LIMCH1: variants seen among roughly 807,000 people sequenced by gnomAD.
The protein encoded by LIMCH1 is LIM and calponin homology domains-containing protein 1.
LIMCH1 carries 113 observed loss-of-function variants against 176.5 expected under a neutral mutation model. That is an observed-to-expected ratio of 0.64 (90% CI 0.55 to 0.75). The LOEUF is 0.75. LIMCH1 is among the 30% of genes least tolerant of loss of function. The pLI is 0.00. For missense variants in LIMCH1, 1,674 were observed against 1,814.9 expected (o/e 0.92, Z 1.41); for synonymous variants, 619 against 645.9 (o/e 0.96, Z 0.63).
intron 2 of LIMCH1, among the ~76,000 whole-genome samples, chr4:41,510,100 T>A (rs1219630803): frequency 2.0e-5 from 3 of 152,220 alleles, no homozygotes; most frequent in Non-Finnish European, 4.4e-5. Flanking sequence ...GAAATGTGTT[T>A]GAAACTTATT....
chr4:41,526,863 T>G (rs933604005), intron 3 of LIMCH1, among the ~76,000 whole-genome samples: 50 of 152,258 alleles, frequency 3.3e-4, no homozygotes, highest in Admixed American at 4.6e-4. Context: ...TTTGTCTACT[T>G]GTCTGCATTT....
At chr4:41,369,606 C>A (rs2053635250) in intron 1 of LIMCH1, among the ~76,000 whole-genome samples, 1 of 152,170 alleles carries the variant, frequency 6.6e-6, no homozygotes, top group African/African-American at 2.4e-5. Context: ...TCCTTCCCTT[C>A]TTTGTACACA....
rs113160291 is a variant in LIMCH1 at position 41,567,929 on chromosome 4, C to T, written c.-241+29579C>T. 7.4e-4 allele frequency among the ~76,000 whole-genome samples: 113 copies of T among 152,216 alleles called. 1 individual carries two copies. The highest frequency in any genetic ancestry group is 2.6e-3 in the African/African-American group (107 of 41,542). On this transcript the variant is annotated intron_variant, in intron 1 of 31. Transcript: ENST00000503057. ...CAGCACTCTGGGATGCCAAGACAGG[C>T]GGACCACGAGGTCAGGAGTTCGAGA...
At chr4:41,360,495 G>C (rs901327159), upstream of LIMCH1, 1 of 160,028 alleles carries the variant, frequency 6.2e-6, no homozygotes, top group African/African-American at 2.4e-5. This position sits in a 1 kb window ranked among gnomAD's most constrained non-coding sequence, Gnocchi z 4.5. Flanking sequence ...GTGAACGGGA[G>C]GGAGACACGC....
chr4:41,615,984 G>A (rs2152807364), intron 5 of LIMCH1, among the ~76,000 whole-genome samples: 1 of 152,284 alleles, frequency 6.6e-6, no homozygotes, highest in Admixed American at 6.5e-5. Context: ...CAACCAATCT[G>A]TCTTGCTAGA....
At chr4:41,692,063 CCTT>C (rs1423475183) in intron 30 of LIMCH1, among the ~76,000 whole-genome samples, 7 of 152,282 alleles carry the variant, frequency 4.6e-5, no homozygotes. Context: ...GAACCAGTGT[CCTT>C]CTCTGTAAAA....
intron 1 of LIMCH1, among the ~76,000 whole-genome samples, chr4:41,391,184 T>G (rs2057192654): frequency 1.3e-5 from 2 of 152,274 alleles, no homozygotes; most frequent in Non-Finnish European, 2.9e-5. Context: ...ACTCACTAGC[T>G]GACCTGTCCT....
intron 1 of LIMCH1, among the ~76,000 whole-genome samples, chr4:41,390,947 C>A (rs2057162464): frequency 6.6e-6 from 1 of 152,178 alleles, no homozygotes; most frequent in Non-Finnish European, 1.5e-5. Context: ...TTATTCTGGG[C>A]AGCCACGTGC....
At chr4:41,445,106 A>G (rs771110472) in intron 1 of LIMCH1, among the ~76,000 whole-genome samples, 1 of 151,568 alleles carries the variant, frequency 6.6e-6, no homozygotes. Context: ...CCCAGGTTCA[A>G]GCAATTCTCC....
At chr4:41,413,218 GTTT>G (rs59105322) in intron 1 of LIMCH1, among the ~76,000 whole-genome samples, 4 of 139,854 alleles carry the variant, frequency 2.9e-5, no homozygotes, top group Non-Finnish European at 4.6e-5. Flanking sequence ...GACATAATAA[GTTT>G]TTTTTTTTTT....
At chr4:41,407,477 G>A (rs902676095) in intron 1 of LIMCH1, among the ~76,000 whole-genome samples, 8 of 152,072 alleles carry the variant, frequency 5.3e-5, no homozygotes, top group African/African-American at 1.4e-4. Flanking sequence ...TGATCCTCCC[G>A]CCTTGGCCTC....
chr4:41,371,704 C>G (rs1034640426), intron 1 of LIMCH1, among the ~76,000 whole-genome samples: 1 of 152,192 alleles, frequency 6.6e-6, no homozygotes, highest in Non-Finnish European at 1.5e-5. Flanking sequence ...CATGTTAAGA[C>G]TGGCAGGCCT....
intron 23 of LIMCH1, among the ~76,000 whole-genome samples, chr4:41,678,520 C>G (rs1712962008): frequency 6.6e-6 from 1 of 152,190 alleles, no homozygotes; most frequent in African/African-American, 2.4e-5. Flanking sequence ...AAATGGTGAA[C>G]AGCCAAGAGT....
At chr4:41,661,224 G>A (rs1024831518) in intron 18 of LIMCH1, among the ~76,000 whole-genome samples, 196 bp from the exon 19 acceptor site, 1 of 152,136 alleles carries the variant, frequency 6.6e-6, no homozygotes. Context: ...ATGGTGAACC[G>A]CATGGGTGTC....
chr4:41,581,967 C>T (rs2085564527), intron 1 of LIMCH1, among the ~76,000 whole-genome samples: 1 of 152,096 alleles, frequency 6.6e-6, no homozygotes, highest in African/African-American at 2.4e-5. Context: ...GGCTAATATT[C>T]CATTGTGAAT....
chr4:41,653,399 G>A (rs979363067), intron 18 of LIMCH1, among the ~76,000 whole-genome samples: 6 of 151,844 alleles, frequency 4.0e-5, no homozygotes, highest in African/African-American at 1.5e-4. Context: ...TAGAACAGGA[G>A]GCTGCACTTC....
At chr4:41,524,633 A>G (rs2076445622) in intron 3 of LIMCH1, among the ~76,000 whole-genome samples, 1 of 152,244 alleles carries the variant, frequency 6.6e-6, no homozygotes, top group South Asian at 2.1e-4. Flanking sequence ...ACTTAAAATG[A>G]AAGATTGCAG....
In LIMCH1 at chr4:41,402,542, C is replaced by T. The variant is rs1454337050; in HGVS notation, c.96+41606C>T. Among the ~76,000 whole-genome samples the T allele has an allele frequency of 2.2e-5, 3 of 138,068 alleles. No individual in the cohort carries two copies. The East Asian group carries it at 5.9e-4, about 27-fold the overall frequency. 90.6% of individuals were successfully genotyped at this position (138,068 alleles called of 152,430 possible). A position where few individuals can be genotyped will look rare whatever the true frequency, so the allele number is the denominator to read the frequency against. On this transcript the variant is annotated intron_variant, in intron 1 of 26. Transcript: ENST00000313860. The stretch of plus-strand genomic sequence containing the variant: ...ACATGCACACGTATGTTTATTGCGA[C>T]ACTATTCCCAATAGCAAAGACTTGG...
chr4:41,646,517 A>G lies in LIMCH1; in HGVS notation c.2444A>G (p.Tyr815Cys), dbSNP rs749214087. ...ERRERELHEA[Y>C]KNARSQEEAE... Reference sequence around the variant, plus strand: ...AGAGAGAGAGAGCTGCATGAAGCATATAAGAACGCTCGGTCCCAGGAGGAG... The same window carrying G: ...AGAGAGAGAGAGCTGCATGAAGCATGTAAGAACGCTCGGTCCCAGGAGGAG... Residue 815 changes from tyrosine (Y) to cysteine (C), a missense_variant, in exon 17 of 32, where the codon TAT becomes TGT. Tyr to Cys is a radical substitution (Grantham distance 194). This residue lies in a region of LIMCH1 where 1,015 missense variants were observed against 1,102.5 expected (regional missense o/e 0.92). Coordinates refer to ENST00000503057, the MANE Select transcript of LIMCH1 (RefSeq NM_001330672.2). 1.2e-5 allele frequency: 20 copies of G among 1,614,142 alleles called. No individual in the cohort carries two copies. The highest frequency in any genetic ancestry group is 2.2e-5 in the East Asian group (1 of 44,874).
Sources: gnomAD v4.1 joint callset for allele counts (sites outside exome capture counted in the v4.1 genomes callset) on GRCh38, gnomAD v4.1.1 for gene constraint, gnomAD v4.1.1 regional missense constraint, Gnocchi (gnomAD v3.1) non-coding constraint, MANE v1.5 for transcripts, NCBI Gene and HGNC (gene_info 2026-07-23, HGNC 2026-07-21) for gene names.